Variants in MNAT1 observed in about 807,000 individuals in gnomAD.
MNAT1 encodes the protein CDK-activating kinase assembly factor MAT1.
In MNAT1, 43 loss-of-function variants were observed where a neutral mutation model predicts 42.0. The ratio of observed to expected loss-of-function variants is 1.02; its 90% CI spans 0.80 to 1.32. The LOEUF (loss-of-function observed/expected upper bound fraction) is 1.32, where lower values mean the gene tolerates loss of function less well. Ranked by LOEUF, MNAT1 falls within the 40% of genes most tolerant of loss-of-function variation. MNAT1 has a pLI of 0.00. For synonymous variants in MNAT1, 118 were observed against 120.0 expected (o/e 0.98, Z 0.11); for missense variants, 306 against 350.4 (o/e 0.87, Z 1.01).
At chr14:60,876,386 T>C (rs931264360) in intron 6 of MNAT1, among the ~76,000 whole-genome samples, 1 of 152,080 alleles carries the variant, frequency 6.6e-6, no homozygotes, top group Non-Finnish European at 1.5e-5. Flanking sequence ...ATGAGGAAAT[T>C]AGAATATCCA....
chr14:60,752,869 G>T (rs7144534), intron 1 of MNAT1, among the ~76,000 whole-genome samples: 2,072 of 152,238 alleles, frequency 0.014, 45 homozygotes, highest in African/African-American at 0.048. Context: ...GGTTGGAGCA[G>T]TTCTCCTGCC....
chr14:60,787,538 T>C (rs1259020762), intron 1 of MNAT1, among the ~76,000 whole-genome samples: 2 of 152,200 alleles, frequency 1.3e-5, no homozygotes, highest in African/African-American at 4.8e-5. Flanking sequence ...GTTCGTTGCA[T>C]TTATTGACTC....
chr14:60,910,976 C>G (rs1164196147), intron 7 of MNAT1, among the ~76,000 whole-genome samples: 1 of 152,112 alleles, frequency 6.6e-6, no homozygotes, highest in African/African-American at 2.4e-5. Context: ...GATTGGTAAA[C>G]TCTTAATTAT....
At chr14:60,818,606 T>A (rs2032786650) in intron 5 of MNAT1, 116 bp from the exon 6 acceptor site, 1 of 844,634 alleles carries the variant, frequency 1.2e-6, no homozygotes, top group Non-Finnish European at 1.7e-6. Flanking sequence ...CTCCATAATG[T>A]GAATATTTAG....
intron 7 of MNAT1, among the ~76,000 whole-genome samples, chr14:60,935,773 CA>C (rs1763595766): frequency 6.6e-6 from 1 of 152,024 alleles, no homozygotes; most frequent in Non-Finnish European, 1.5e-5. Flanking sequence ...CTGCTTTTTT[CA>C]AACATATAGT....
chr14:60,810,843 GT>G (rs2139350833), intron 4 of MNAT1, among the ~76,000 whole-genome samples: 1 of 152,118 alleles, frequency 6.6e-6, no homozygotes, highest in Admixed American at 6.5e-5. Context: ...AGAATGTTCT[GT>G]ATATTTCTGT....
At chr14:60,795,318 G>T (rs2031979549) in intron 1 of MNAT1, among the ~76,000 whole-genome samples, 1 of 152,120 alleles carries the variant, frequency 6.6e-6, no homozygotes, top group South Asian at 2.1e-4. Context: ...TGGTAGTATG[G>T]ATCTGTTGGG....
At chr14:60,937,511 G>A (rs1035863918) in intron 7 of MNAT1, among the ~76,000 whole-genome samples, 5 of 152,054 alleles carry the variant, frequency 3.3e-5, no homozygotes, top group African/African-American at 1.2e-4. Context: ...TCTTGTTTTT[G>A]TCAGGTTTGT....
At chr14:60,933,118 T>G (rs1478478054) in intron 7 of MNAT1, among the ~76,000 whole-genome samples, 1 of 151,966 alleles carries the variant, frequency 6.6e-6, no homozygotes, top group African/African-American at 2.4e-5. Flanking sequence ...CTAAATGAGG[T>G]AATATATGGA....
chr14:60,866,975 G>C (rs1397739953), intron 6 of MNAT1, among the ~76,000 whole-genome samples: 8 of 152,068 alleles, frequency 5.3e-5, no homozygotes, highest in African/African-American at 1.7e-4. Flanking sequence ...ACTAATTAGA[G>C]TATGTGTTTA....
intron 6 of MNAT1, among the ~76,000 whole-genome samples, chr14:60,864,789 T>C (rs766705707): frequency 2.0e-5 from 3 of 151,966 alleles, no homozygotes; most frequent in Non-Finnish European, 4.4e-5. Flanking sequence ...GTGGTGGTGG[T>C]GTTTGTGTGT....
intron 7 of MNAT1, among the ~76,000 whole-genome samples, chr14:60,936,045 C>A (rs772334282): frequency 6.6e-6 from 1 of 152,176 alleles, no homozygotes; most frequent in Non-Finnish European, 1.5e-5. Context: ...TCCCAGGCCA[C>A]CACACAGGAA....
In MNAT1 at chr14:60,803,817, A is replaced by G. The variant is rs556614242; in HGVS notation, c.317-4508A>G. On this transcript the variant is annotated intron_variant, in intron 3 of 7. Transcript: ENST00000261245. Reference sequence around the variant, plus strand: ...CATTATGAATCTTTTGAATATGAATATAAAAATGAAAACATTATAATTTTA... The same window carrying G: ...CATTATGAATCTTTTGAATATGAATGTAAAAATGAAAACATTATAATTTTA... Among the ~76,000 whole-genome samples the G allele has an allele frequency of 2.0e-5, 3 of 152,324 alleles. No individual in the cohort carries two copies. The South Asian group carries it at 6.2e-4, about 32-fold the overall frequency.
intron 6 of MNAT1, among the ~76,000 whole-genome samples, chr14:60,844,803 C>T (rs1221430180): frequency 6.6e-6 from 1 of 151,954 alleles, no homozygotes; most frequent in Admixed American, 6.5e-5. Flanking sequence ...AAGTTCCTTC[C>T]ATTTCTAGAG....
At chr14:60,951,008 T>C (rs1382885250) in intron 7 of MNAT1, among the ~76,000 whole-genome samples, 2 of 152,084 alleles carry the variant, frequency 1.3e-5, no homozygotes, top group Non-Finnish European at 2.9e-5. Flanking sequence ...AGAAGAGAGG[T>C]AGCGATAAAG....
intron 1 of MNAT1, among the ~76,000 whole-genome samples, chr14:60,761,504 A>C (rs1014631639): frequency 1.3e-5 from 2 of 152,176 alleles, no homozygotes; most frequent in Non-Finnish European, 2.9e-5. Flanking sequence ...AGGTTTTCAA[A>C]TTGTTTATTT....
intron 1 of MNAT1, among the ~76,000 whole-genome samples, chr14:60,794,549 C>A (rs1027872928): frequency 6.8e-6 from 1 of 147,426 alleles, no homozygotes; most frequent in African/African-American, 2.5e-5. Flanking sequence ...GCTTGTTATC[C>A]CAGCTACTGA....
chr14:60,851,332 A>G (rs1481552226), intron 6 of MNAT1, among the ~76,000 whole-genome samples: 1 of 152,214 alleles, frequency 6.6e-6, no homozygotes, highest in Non-Finnish European at 1.5e-5. Context: ...CGGCAAGGAT[A>G]CACAGGCATA....
intron 6 of MNAT1, among the ~76,000 whole-genome samples, chr14:60,870,461 T>C (rs565720033): frequency 6.6e-6 from 1 of 152,290 alleles, no homozygotes; most frequent in South Asian, 2.1e-4. Context: ...GGCTTTAGTT[T>C]TGTGCCGTAC....
Sources: allele counts gnomAD v4.1 joint callset (sites outside exome capture counted in the v4.1 genomes callset), GRCh38; gene constraint gnomAD v4.1.1; transcripts MANE v1.5; gene names NCBI Gene and HGNC (gene_info 2026-07-23, HGNC 2026-07-21).